FHOD3: variants seen among roughly 807,000 people sequenced by gnomAD.
FHOD3 encodes FH1/FH2 domain-containing protein 3.
Under a neutral mutation model 173.0 loss-of-function variants are expected in FHOD3, and 90 were observed. The observed-to-expected ratio is 0.52, with a 90% CI of 0.44 to 0.62. The LOEUF (loss-of-function observed/expected upper bound fraction) is 0.62. Ranked by LOEUF, FHOD3 falls within the 20% of genes least tolerant of loss-of-function variation. The pLI is 0.00. For missense variants in FHOD3, 1,945 were observed against 2,034.7 expected (o/e 0.96, Z 0.85); for synonymous variants, 828 against 823.0 (o/e 1.01, Z -0.10).
At chr18:36,658,319 C>T (rs1290926214) in intron 14 of FHOD3, 131 bp downstream of exon 14, 6 of 598,468 alleles carry the variant, frequency 1.0e-5, no homozygotes, top group Admixed American at 4.1e-5. Flanking sequence ...GAACATTGTC[C>T]GAAGCCAGGA....
intron 10 of FHOD3, among the ~76,000 whole-genome samples, chr18:36,647,007 C>T (rs574530212): frequency 1.3e-3 from 205 of 152,242 alleles, no homozygotes; most frequent in African/African-American, 4.3e-3. Context: ...GAGGCCAAGG[C>T]GGGTGGATCA....
chr18:36,517,126 T>A (rs2056031201), intron 5 of FHOD3, among the ~76,000 whole-genome samples: 1 of 152,186 alleles, frequency 6.6e-6, no homozygotes. Flanking sequence ...AAGTCTTAAC[T>A]GTACAACGTG....
chr18:36,655,035 GCTT>G (rs1188801506), intron 13 of FHOD3, among the ~76,000 whole-genome samples: 1 of 148,058 alleles, frequency 6.8e-6, no homozygotes, highest in Non-Finnish European at 1.5e-5. Context: ...TGTGAACTGA[GCTT>G]CTTTTTTTTT....
At chr18:36,769,650 G>A (rs2043289130) in intron 28 of FHOD3, among the ~76,000 whole-genome samples, 1 of 152,142 alleles carries the variant, frequency 6.6e-6, no homozygotes, top group Admixed American at 6.5e-5. Flanking sequence ...TGCCATTGGT[G>A]GCTAGGCCTC....
intron 5 of FHOD3, among the ~76,000 whole-genome samples, chr18:36,574,024 C>A (rs1167454960): frequency 1.3e-5 from 2 of 152,122 alleles, no homozygotes; most frequent in Non-Finnish European, 2.9e-5. Context: ...TTGGTCACAT[C>A]CCTTCACTTC....
chr18:36,642,318 T>C (rs1392220568), intron 10 of FHOD3, among the ~76,000 whole-genome samples: 1 of 152,144 alleles, frequency 6.6e-6, no homozygotes, highest in Non-Finnish European at 1.5e-5. Context: ...TCGTTACATA[T>C]TTTAAAAATC....
intron 3 of FHOD3, among the ~76,000 whole-genome samples, chr18:36,385,923 A>G (rs2048011201): frequency 6.6e-6 from 1 of 152,226 alleles, no homozygotes; most frequent in Non-Finnish European, 1.5e-5. Flanking sequence ...ATGACCAGGC[A>G]GTCAAACGCA....
chr18:36,355,010 A>G (rs1449483771), intron 1 of FHOD3, among the ~76,000 whole-genome samples: 2 of 152,120 alleles, frequency 1.3e-5, no homozygotes, highest in Non-Finnish European at 2.9e-5. Flanking sequence ...ATTTGGGTAT[A>G]TTGCCATTCA....
At chr18:36,482,881 AGAGAGAGAGAG>A (rs2054003265) in intron 3 of FHOD3, among the ~76,000 whole-genome samples, 2 of 150,780 alleles carry the variant, frequency 1.3e-5, no homozygotes, top group Non-Finnish European at 2.9e-5. Flanking sequence ...AGAGAGAGAG[AGAGAGAGAGAG>A]AGAACGAGAA....
chr18:36,596,321 A>ATTAAT (rs542045571), intron 7 of FHOD3, among the ~76,000 whole-genome samples: 32 of 57,500 alleles, frequency 5.6e-4, no homozygotes, highest in African/African-American at 2.0e-3. Context: ...TGCCCAGCTA[A>ATTAAT]TTTTTTTTTT....
chr18:36,315,246 T>C (rs1452488404), intron 1 of FHOD3, among the ~76,000 whole-genome samples: 1 of 152,204 alleles, frequency 6.6e-6, no homozygotes, highest in East Asian at 1.9e-4. Context: ...TGCAGGAAAT[T>C]GTGACTGGCT....
intron 3 of FHOD3, among the ~76,000 whole-genome samples, chr18:36,482,858 C>CACACAGAGAGAGAGAG (rs1400178557): frequency 7.7e-6 from 1 of 130,458 alleles, no homozygotes; most frequent in African/African-American, 3.1e-5. Context: ...CACACACACA[C>CACACAGAGAGAGAGAG]AGAGAGAGAG....
intron 24 of FHOD3, among the ~76,000 whole-genome samples, chr18:36,753,445 G>T (rs2150181969): frequency 6.6e-6 from 1 of 152,346 alleles, no homozygotes; most frequent in African/African-American, 2.4e-5. Context: ...TCCATCCAAT[G>T]CTATACTTAG....
In FHOD3 at chr18:36,740,818, G is replaced by A; in HGVS notation, c.3739G>A (p.Asp1247Asn). 1 of 1,610,392 alleles carries A rather than the reference G, an allele frequency of 6.2e-7. No individual in the cohort carries two copies. Reference protein sequence around the residue: ...ARLHLWAFKMDYETTEKEVAE... With the variant: ...ARLHLWAFKMNYETTEKEVAE... ...ACTTCACCTCTGGGCATTCAAAATG[G>A]ATTATGAAACTACAGAAAAGGTAAG... Residue 1247 changes from aspartate to asparagine, a missense_variant, in exon 21 of 29, where the codon GAT becomes AAT. Asp to Asn is a conservative substitution (Grantham distance 23). Around this residue, in one of 5 missense-constraint regions of FHOD3, gnomAD observed 231 missense variants for 321.9 expected, o/e 0.72. Coordinates refer to ENST00000590592, the MANE Select transcript of FHOD3 (RefSeq NM_001281740.3).
intron 5 of FHOD3, among the ~76,000 whole-genome samples, chr18:36,519,108 C>T (rs539155385): frequency 6.6e-6 from 1 of 152,342 alleles, no homozygotes; most frequent in South Asian, 2.1e-4. Context: ...CACTGTGCAT[C>T]AGGCCTGCAC....
chr18:36,653,045 G>A lies in FHOD3; in HGVS notation c.1646+116G>A, dbSNP rs1444831565. 7 of 1,359,436 alleles carry A rather than the reference G, an allele frequency of 5.1e-6. No homozygotes were observed. In the African/African-American group the frequency reaches 7.3e-5, roughly 14 times the overall value. The allele number at this position is 1,359,436 out of a possible 1,614,324, so 84.2% of individuals were successfully genotyped here. ...TGTTTTTTTGTGGATTTCAGCCCAA[G>A]CAGGGAGCAGTTGTGGCATAAACTT... On this transcript the variant is annotated intron_variant, in intron 12 of 28. Transcript: ENST00000590592.
In FHOD3 at chr18:36,461,305, A is replaced by G. The variant is rs904404921; in HGVS notation, c.338-40627A>G. Among the ~76,000 whole-genome samples the G allele has an allele frequency of 4.6e-5, 7 of 152,188 alleles. No individual in the cohort carries two copies. The South Asian group carries it at 1.0e-3, about 23-fold the overall frequency. ...TCCTGAAGGGAGAAGGAACTCACCA[A>G]TAATGGTAGGCACACACCTGAAGAC... On this transcript the variant is annotated intron_variant, in intron 3 of 28. Coordinates refer to ENST00000590592, the MANE Select transcript of FHOD3 (RefSeq NM_001281740.3).
At chr18:36,614,347 T>G (rs7239767) in intron 9 of FHOD3, among the ~76,000 whole-genome samples, 2,872 of 152,314 alleles carry the variant, frequency 0.019, 76 homozygotes, top group African/African-American at 0.065. Flanking sequence ...ATAGTTGTGC[T>G]GACAGTATTC....
Position 36,369,440 on chromosome 18 carries a change from A to AACACACACAC in FHOD3, c.273-3190_273-3181dup, listed in dbSNP as rs59109469. Reference sequence around the variant, plus strand: ...GATGTCCTTTGTTTTATTTTATTTAAACACACACACACACACACACACACA... The same window carrying AACACACACAC: ...GATGTCCTTTGTTTTATTTTATTTAAACACACACACACACACACACACACACACACACACA... On this transcript the variant is annotated intron_variant, in intron 2 of 28. Coordinates refer to ENST00000590592, the MANE Select transcript of FHOD3 (RefSeq NM_001281740.3). 2.7e-3 allele frequency among the ~76,000 whole-genome samples: 252 copies of AACACACACAC among 94,214 alleles called. 1 individual carries two copies. Among genetic ancestry groups the AACACACACAC allele is most frequent in the East Asian group, 5.7e-3 (16 of 2,816 alleles). 61.8% of individuals were successfully genotyped at this position (94,214 alleles called of 152,430 possible).
Sources: allele counts gnomAD v4.1 joint callset (sites outside exome capture counted in the v4.1 genomes callset), GRCh38; gene constraint gnomAD v4.1.1; regional missense constraint gnomAD v4.1.1; transcripts MANE v1.5; gene names NCBI Gene and HGNC (gene_info 2026-07-23, HGNC 2026-07-21).